The following ADAMTSL3 variants were observed in gnomAD, a reference collection of about 807,000 sequenced individuals.
The protein encoded by ADAMTSL3 is ADAMTS-like protein 3.
Under a neutral mutation model 201.7 loss-of-function variants are expected in ADAMTSL3, and 128 were observed. The ratio of observed to expected loss-of-function variants is 0.63; its 90% CI spans 0.55 to 0.73. The LOEUF is 0.73. Among genes scored for constraint, ADAMTSL3 ranks in the 30% least tolerant of loss-of-function variants. The probability of loss-of-function intolerance (pLI) is 0.00; values close to 1 mark genes in which losing one functional copy is unlikely to be tolerated. For synonymous variants in ADAMTSL3, 738 were observed against 748.4 expected (o/e 0.99, Z 0.23); for missense variants, 1,990 against 2,119.6 (o/e 0.94, Z 1.20).
At chr15:83,904,121 C>A (rs1339565321) in intron 15 of ADAMTSL3, among the ~76,000 whole-genome samples, 1 of 151,644 alleles carries the variant, frequency 6.6e-6, no homozygotes, top group African/African-American at 2.4e-5. Flanking sequence ...ACCCTTTCTT[C>A]CCCCGTGTTG....
chr15:83,657,592 T>C (rs1049856908), intron 2 of ADAMTSL3, among the ~76,000 whole-genome samples: 19 of 152,226 alleles, frequency 1.2e-4, no homozygotes, highest in Non-Finnish European at 2.5e-4. Flanking sequence ...CATTGTGAAG[T>C]GGAAAAAAGT....
At chr15:83,884,481 G>A (rs1012872212) in intron 9 of ADAMTSL3, among the ~76,000 whole-genome samples, 3 of 151,042 alleles carry the variant, frequency 2.0e-5, no homozygotes, top group East Asian at 2.0e-4. Context: ...CACCATGTTG[G>A]CAAGGCTGGT....
chr15:83,987,734 C>G (rs2067505727), intron 21 of ADAMTSL3, among the ~76,000 whole-genome samples: 2 of 152,056 alleles, frequency 1.3e-5, no homozygotes, highest in South Asian at 4.1e-4. Context: ...TTCATTATGA[C>G]TGAAGCATAG....
chr15:83,929,971 T>C (rs2066326020), intron 17 of ADAMTSL3, among the ~76,000 whole-genome samples: 1 of 152,124 alleles, frequency 6.6e-6, no homozygotes, highest in African/African-American at 2.4e-5. Context: ...AAAGTAATCA[T>C]TGGCTCACTT....
intron 2 of ADAMTSL3, among the ~76,000 whole-genome samples, chr15:83,666,680 G>A (rs1335789708): frequency 6.6e-6 from 1 of 151,874 alleles, no homozygotes; most frequent in African/African-American, 2.4e-5. Context: ...CCCTACAACA[G>A]ATAAAGATAA....
intron 9 of ADAMTSL3, among the ~76,000 whole-genome samples, chr15:83,872,627 C>CAGAGAG (rs111564921): frequency 1.4e-4 from 20 of 141,016 alleles, no homozygotes; most frequent in South Asian, 8.8e-4. Context: ...CACACACACA[C>CAGAGAG]AGAGTTTTTG....
chr15:83,793,061 T>C (rs984788306), intron 4 of ADAMTSL3, among the ~76,000 whole-genome samples: 1 of 152,182 alleles, frequency 6.6e-6, no homozygotes, highest in African/African-American at 2.4e-5. Context: ...GAAGACAGTA[T>C]TTAAGTGACG....
chr15:83,952,583 T>TAG (rs1184302125), intron 19 of ADAMTSL3, among the ~76,000 whole-genome samples: 3 of 152,218 alleles, frequency 2.0e-5, no homozygotes, highest in Non-Finnish European at 4.4e-5. Flanking sequence ...TATCTCTATA[T>TAG]GGCTTTGATA....
intron 23 of ADAMTSL3, among the ~76,000 whole-genome samples, chr15:84,012,894 C>T (rs1310737844): frequency 6.6e-6 from 1 of 152,226 alleles, no homozygotes; most frequent in African/African-American, 2.4e-5. Flanking sequence ...ATTCCTTTCA[C>T]AGACGACACA....
chr15:83,977,240 C>T (rs1028648284), intron 20 of ADAMTSL3, among the ~76,000 whole-genome samples: 1 of 152,082 alleles, frequency 6.6e-6, no homozygotes, highest in African/African-American at 2.4e-5. Flanking sequence ...ATCCCAAAAC[C>T]ATCTAGCCCC....
chr15:83,829,169 G>A (rs1239274206), intron 6 of ADAMTSL3, among the ~76,000 whole-genome samples: 2 of 152,114 alleles, frequency 1.3e-5, no homozygotes, highest in East Asian at 3.8e-4. Context: ...ACTTTTTTTG[G>A]TTGGTAGGCT....
Position 83,969,226 on chromosome 15 carries a change from A to T in ADAMTSL3, c.2491-1258A>T, listed in dbSNP as rs146608508. On this transcript the variant is annotated intron_variant, in intron 19 of 29. Coordinates refer to ENST00000286744, the MANE Select transcript of ADAMTSL3 (RefSeq NM_207517.3). ...TTTGGGAGGCCGAGGCAGGTGGATCACGAGGTCAGGAGTTTGAGACCAGCC... is the reference window on the plus strand; with the variant it reads ...TTTGGGAGGCCGAGGCAGGTGGATCTCGAGGTCAGGAGTTTGAGACCAGCC... 1.3e-3 allele frequency among the ~76,000 whole-genome samples: 198 copies of T among 152,268 alleles called. 2 individuals carry two copies. The East Asian group carries it at 0.033, about 26-fold the overall frequency.
chr15:83,690,225 A>G (rs2061593307), intron 2 of ADAMTSL3, among the ~76,000 whole-genome samples: 1 of 152,040 alleles, frequency 6.6e-6, no homozygotes, highest in African/African-American at 2.4e-5. Flanking sequence ...TCCATTCTTC[A>G]TAATAATAAT....
chr15:83,793,562 C>T (rs533703120), intron 4 of ADAMTSL3, among the ~76,000 whole-genome samples: 5 of 152,024 alleles, frequency 3.3e-5, no homozygotes, highest in Non-Finnish European at 5.9e-5. Flanking sequence ...CTGCAGCCTC[C>T]GCCTCCCAGG....
chr15:83,788,855 G>A (rs1026558685), intron 4 of ADAMTSL3, among the ~76,000 whole-genome samples: 6 of 151,606 alleles, frequency 4.0e-5, no homozygotes, highest in Admixed American at 1.3e-4. Context: ...TGTCACCCAC[G>A]CTGGAGTGCA....
At chr15:83,727,631 AT>A (rs771025068) in intron 3 of ADAMTSL3, among the ~76,000 whole-genome samples, 26 of 152,058 alleles carry the variant, frequency 1.7e-4, no homozygotes, top group Non-Finnish European at 3.4e-4. Flanking sequence ...CCCACTGGTC[AT>A]TCAGAAGCAT....
chr15:84,019,076 T>TACAC (rs71453219), intron 25 of ADAMTSL3, among the ~76,000 whole-genome samples: 13,405 of 139,018 alleles, frequency 0.096, 651 homozygotes, highest in Middle Eastern at 0.12. Flanking sequence ...CACACACACA[T>TACAC]ACACACACAC....
At chr15:83,754,026 C>G (rs1228570789) in intron 3 of ADAMTSL3, among the ~76,000 whole-genome samples, 1 of 152,160 alleles carries the variant, frequency 6.6e-6, no homozygotes, top group African/African-American at 2.4e-5. Flanking sequence ...GACACACATC[C>G]TCTAGAAAGA....
chr15:83,996,140 T>C (rs2067682645), intron 23 of ADAMTSL3, among the ~76,000 whole-genome samples: 1 of 152,186 alleles, frequency 6.6e-6, no homozygotes, highest in African/African-American at 2.4e-5. Flanking sequence ...TCATAAAATA[T>C]AAGAGATGTC....
Sources: allele counts gnomAD v4.1 joint callset (sites outside exome capture counted in the v4.1 genomes callset), GRCh38; gene constraint gnomAD v4.1.1; transcripts MANE v1.5; gene names NCBI Gene and HGNC (gene_info 2026-07-23, HGNC 2026-07-21).